The following ATP6V1C1 variants were observed in gnomAD, a reference collection of about 807,000 sequenced individuals.
The protein encoded by ATP6V1C1 is V-type proton ATPase subunit C 1.
Under a neutral mutation model 53.9 loss-of-function variants are expected in ATP6V1C1, and 45 were observed. That is an observed-to-expected ratio of 0.83 (90% CI 0.66 to 1.07). The LOEUF (loss-of-function observed/expected upper bound fraction) is 1.07. Among genes scored for constraint, ATP6V1C1 ranks in the 50% least tolerant of loss-of-function variants. The pLI, the probability that ATP6V1C1 is intolerant of heterozygous loss-of-function variation, is 0.00. For missense variants in ATP6V1C1, 315 were observed against 440.3 expected, an observed-to-expected ratio of 0.72 and a Z score of 2.55; for synonymous variants, 153 against 155.2, an observed-to-expected ratio of 0.99 and a Z score of 0.11.
chr8:103,053,998 A>T lies in ATP6V1C1; in HGVS notation c.572+16A>T. 4 of 1,582,006 alleles carry T rather than the reference A, an allele frequency of 2.5e-6. No homozygotes were observed. Among genetic ancestry groups the T allele is most frequent in the Non-Finnish European group, 2.6e-6 (3 of 1,158,018 alleles). ...TAGTTCCCAAGTAAGTCTTTCTATT[A>T]TAAAAGGTTTTACTTGTTAAAATAC... On this transcript the variant is annotated intron_variant, in intron 7 of 12. Coordinates refer to ENST00000518738, the MANE Select transcript of ATP6V1C1 (RefSeq NM_001695.5).
intron 3 of ATP6V1C1, among the ~76,000 whole-genome samples, chr8:103,047,423 T>TGCGC (rs56115164): frequency 3.9e-4 from 47 of 121,070 alleles, no homozygotes; most frequent in Middle Eastern, 4.2e-3. Flanking sequence ...AAAAAAAAAA[T>TGCGC]GCGCGCGCAC....
Position 103,040,802 on chromosome 8 carries a change from T to G in ATP6V1C1, c.-35T>G. 6.3e-7 allele frequency: 1 copy of G among 1,589,712 alleles called. No homozygotes were observed. On this transcript the variant is annotated 5_prime_UTR_variant, in exon 2 of 13. Coordinates refer to ENST00000518738, the MANE Select transcript of ATP6V1C1 (RefSeq NM_001695.5). ...TTTATTTGTTTTACATTTCAGAATC[T>G]CTCTTGATTTTTGAGGAAATACCTA...
intron 2 of ATP6V1C1, 55 bp downstream of exon 2, chr8:103,041,023 G>T: frequency 1.3e-6 from 2 of 1,545,302 alleles, no homozygotes; most frequent in South Asian, 2.4e-5. Context: ...GGGAGGGCCA[G>T]TTCTCTCTTT....
chr8:103,049,633 G>A (rs1272636812), intron 4 of ATP6V1C1, among the ~76,000 whole-genome samples: 2 of 152,002 alleles, frequency 1.3e-5, no homozygotes, highest in East Asian at 1.9e-4. Flanking sequence ...CTAGTGATAC[G>A]TTTTTATAAC....
chr8:103,032,787 T>C (rs1266031221), intron 1 of ATP6V1C1, among the ~76,000 whole-genome samples: 1 of 152,166 alleles, frequency 6.6e-6, no homozygotes, highest in African/African-American at 2.4e-5. Context: ...CAATTTCTTA[T>C]AAAGGTAAAT....
chr8:103,064,764 A>G lies in ATP6V1C1; in HGVS notation c.879A>G (p.Ala293=), dbSNP rs757109453. The change falls in exon 11 of 13, where the codon GCA becomes GCG. Residue 293 remains alanine (A), a synonymous_variant. Coordinates refer to ENST00000518738, the MANE Select transcript of ATP6V1C1 (RefSeq NM_001695.5). ...TGAATTTTAGTGAAGCATTTATTGC[A>G]TGGATTCACGTGAAAGCATTACGGG... ...LKVNFSEAFI[A]WIHVKALRVF... 1.2e-6 allele frequency: 2 copies of G among 1,613,516 alleles called. No homozygotes were observed. The highest frequency in any genetic ancestry group is 2.2e-5 in the East Asian group (1 of 44,814).
Position 103,066,360 on chromosome 8 carries a change from G to A in ATP6V1C1, c.966G>A (p.Gln322=), listed in dbSNP as rs775685239. 16 of 1,613,242 alleles carry A rather than the reference G, an allele frequency of 9.9e-6. No individual in the cohort carries two copies. The highest frequency in any genetic ancestry group is 1.3e-5 in the Non-Finnish European group (15 of 1,179,850). The part of the protein sequence containing the change: ...LPVNFQAMLL[Q]PNKKTLKKLR... ...TGAACTTCCAAGCAATGCTACTTCAGCCCAATAAGAAAACTTTGAAGAAAC... is the reference window on the plus strand; with the variant it reads ...TGAACTTCCAAGCAATGCTACTTCAACCCAATAAGAAAACTTTGAAGAAAC... Residue 322 remains glutamine, a synonymous_variant, in exon 12 of 13, where the codon CAG becomes CAA. Coordinates refer to ENST00000518738, the MANE Select transcript of ATP6V1C1 (RefSeq NM_001695.5).
chr8:103,045,927 C>T (rs971094452), intron 3 of ATP6V1C1, among the ~76,000 whole-genome samples: 7 of 150,404 alleles, frequency 4.7e-5, no homozygotes, highest in Non-Finnish European at 8.9e-5. Context: ...GGTGACAGAG[C>T]GTGACTCCGT....
chr8:103,027,078 TTAAC>T (rs146354057), intron 1 of ATP6V1C1, among the ~76,000 whole-genome samples: 2 of 152,324 alleles, frequency 1.3e-5, no homozygotes, highest in East Asian at 3.9e-4. Context: ...TGGCAACTTT[TTAAC>T]TGAGTGGATT....
At position 103,055,883 on chromosome 8, in the gene ATP6V1C1, C is replaced by G. The variant is rs762666952; in HGVS notation, c.588C>G (p.Asp196Glu). The G allele has an allele frequency of 1.2e-6, 2 of 1,612,070 alleles. No individual in the cohort carries two copies. Residue 196 changes from aspartate to glutamate, a missense_variant, in exon 8 of 13, where the codon GAC (aspartate) becomes GAG (glutamate). By Grantham distance (45) the Asp-to-Glu change is conservative. Transcript: ENST00000518738. ...LVVVPKLNHN[D>E]WIKQYETLAE... ...TTTTCTGCAGGTTAAACCACAACGA[C>G]TGGATTAAGCAGTATGAAACACTAG...
At chr8:103,059,974 CT>C (rs538649832) in intron 8 of ATP6V1C1, among the ~76,000 whole-genome samples, 236 of 140,674 alleles carry the variant, frequency 1.7e-3, no homozygotes, top group Non-Finnish European at 1.9e-3. Flanking sequence ...TTCTTTCTTT[CT>C]TTTTTTTTTT....
chr8:103,043,681 G>A (rs1448452804), intron 3 of ATP6V1C1, among the ~76,000 whole-genome samples: 2 of 151,986 alleles, frequency 1.3e-5, no homozygotes, highest in East Asian at 3.9e-4. Flanking sequence ...CTGATGTGAT[G>A]TGATGTGTTG....
In ATP6V1C1 at chr8:103,063,031, A is replaced by C. The variant is rs1241152526; in HGVS notation, c.718A>C (p.Lys240Gln). The change falls in exon 9 of 13, where the codon AAA (lysine) becomes CAA (glutamine). Residue 240 changes from lysine to glutamine, a missense_variant. Physicochemically the swap from Lys to Gln is moderately conservative, Grantham distance 53 (BLOSUM62 1). Coordinates refer to ENST00000518738, the MANE Select transcript of ATP6V1C1 (RefSeq NM_001695.5). The stretch of plus-strand genomic sequence containing the variant: ...GAAGGCAGTTGATGACTTCAGACAC[A>C]AAGCCAGAGAAAACAAGTAAGATTA... ...FRKAVDDFRHKARENKFIVRD... is the reference protein window; with the variant it reads ...FRKAVDDFRHQARENKFIVRD... 1.2e-6 allele frequency: 2 copies of C among 1,613,794 alleles called. No individual in the cohort carries two copies. Among genetic ancestry groups the C allele is most frequent in the Non-Finnish European group, 8.5e-7 (1 of 1,179,920 alleles).
chr8:103,037,688 T>G (rs1400361040), intron 1 of ATP6V1C1, among the ~76,000 whole-genome samples: 1 of 152,218 alleles, frequency 6.6e-6, no homozygotes, highest in East Asian at 1.9e-4. Context: ...AAATACATTC[T>G]CATAAAAATT....
Position 103,072,229 on chromosome 8 carries a change from A to G in ATP6V1C1, c.*3482A>G, listed in dbSNP as rs2131409821. 6.6e-6 allele frequency: 1 copy of G among 152,334 alleles called. No individual in the cohort carries two copies. The highest frequency in any genetic ancestry group is 1.9e-4 in the East Asian group (1 of 5,188). The allele number at this position is 152,334 out of a possible 1,614,324, so 9.4% of individuals were successfully genotyped here. ...TAAAGTAACACTTTGTACATAACAAATACTCAGCAAATGTGAAACTTTATT... is the reference window on the plus strand; with the variant it reads ...TAAAGTAACACTTTGTACATAACAAGTACTCAGCAAATGTGAAACTTTATT... On this transcript the variant is annotated 3_prime_UTR_variant, in exon 13 of 13. Coordinates refer to ENST00000518738, the MANE Select transcript of ATP6V1C1 (RefSeq NM_001695.5).
rs192837855 is a variant in ATP6V1C1, at chr8:103,036,873, G to C, written c.-39-3925G>C. On this transcript the variant is annotated intron_variant, in intron 1 of 12. Transcript: ENST00000518738. ...GTTGATTTTATTACCTGCCATTTTG[G>C]GGGGAGAGGAGGTATAAAAATGTAT... is the stretch of plus-strand genomic sequence containing the variant. Among the ~76,000 whole-genome samples the C allele has an allele frequency of 3.9e-3, 599 of 152,208 alleles. 3 individuals carry two copies. The highest frequency in any genetic ancestry group is 6.8e-3 in the Non-Finnish European group (465 of 67,998).
In ATP6V1C1 at chr8:103,040,896, G is replaced by C; in HGVS notation, c.60G>C (p.Glu20Asp). ...AGAAAACCTGTCAGCAAACATGGGA[G>C]AAATTGCATGCGGCAACTTCAAAGA... ...PGEKTCQQTWEKLHAATSKNN... is the reference protein window; with the variant it reads ...PGEKTCQQTWDKLHAATSKNN... The change falls in exon 2 of 13, where the codon GAG becomes GAC. Residue 20 changes from glutamate (E) to aspartate (D), a missense_variant. Glu to Asp is a conservative substitution (Grantham distance 45). Coordinates refer to ENST00000518738, the MANE Select transcript of ATP6V1C1 (RefSeq NM_001695.5). 6.2e-7 allele frequency: 1 copy of C among 1,614,112 alleles called. No individual in the cohort carries two copies. The highest frequency in any genetic ancestry group is 8.5e-7 in the Non-Finnish European group (1 of 1,179,964).
chr8:103,065,021 A>T lies in ATP6V1C1; in HGVS notation c.926+210A>T, dbSNP rs554908412. 2.0e-5 allele frequency among the ~76,000 whole-genome samples: 3 copies of T among 152,348 alleles called. No homozygotes were observed. The East Asian group carries it at 5.8e-4, about 29-fold the overall frequency. On this transcript the variant is annotated intron_variant, in intron 11 of 12. Transcript: ENST00000518738. ...GCACCAGGTTTAGAAAAAGAGATTTATGCTGCCATACCCTCAGGTTCTTTT... is the reference window on the plus strand; with the variant it reads ...GCACCAGGTTTAGAAAAAGAGATTTTTGCTGCCATACCCTCAGGTTCTTTT...
At chr8:103,023,513 C>T (rs1037137003) in intron 1 of ATP6V1C1, among the ~76,000 whole-genome samples, 3 of 151,996 alleles carry the variant, frequency 2.0e-5, no homozygotes, top group Admixed American at 2.0e-4. Context: ...ACAGGGTAGT[C>T]GTAACTACCC....
Sources: gnomAD v4.1 joint callset for allele counts (sites outside exome capture counted in the v4.1 genomes callset) on GRCh38, gnomAD v4.1.1 for gene constraint, MANE v1.5 for transcripts, NCBI Gene and HGNC (gene_info 2026-07-23, HGNC 2026-07-21) for gene names.